The following NXF1 variants were observed in gnomAD, a reference collection of about 807,000 sequenced individuals.
The protein encoded by NXF1 is mRNA export factor TAP.
A neutral mutation model predicts 92.4 loss-of-function variants in NXF1; 43 were observed. The observed-to-expected ratio is 0.47, with a 90% CI of 0.36 to 0.60. The LOEUF is 0.60. Among genes scored for constraint, NXF1 ranks in the 20% least tolerant of loss-of-function variants. NXF1 has a pLI of 0.00. For synonymous variants in NXF1, 288 were observed against 292.2 expected, an observed-to-expected ratio of 0.99 and a Z score of 0.15; for missense variants, 576 against 793.0, an observed-to-expected ratio of 0.73 and a Z score of 3.29.
At chr11:62,792,836 G>A (rs2084379358) in intron 19 of NXF1, 135 bp from the exon 20 acceptor site, 1 of 700,230 alleles carries the variant, frequency 1.4e-6, no homozygotes, top group East Asian at 2.6e-5. Flanking sequence ...TTATACAAAT[G>A]AGACATTAGT....
intron 3 of NXF1, among the ~76,000 whole-genome samples, chr11:62,803,213 G>A (rs2084498889): frequency 6.6e-6 from 1 of 152,094 alleles, no homozygotes; most frequent in South Asian, 2.1e-4. Context: ...CAGCTACTCG[G>A]GAGACTGAGG....
chr11:62,795,028 A>C (rs755424849), intron 17 of NXF1, 21 bp from the exon 18 acceptor site: 68 of 1,611,220 alleles, frequency 4.2e-5, no homozygotes, highest in South Asian at 3.4e-4. Flanking sequence ...AACAGCAACA[A>C]CACCTTAGGG....
chr11:62,796,817 C>T lies in NXF1; in HGVS notation c.1179-250G>A, dbSNP rs1289310812. The T allele has an allele frequency of 9.1e-6, 5 of 547,266 alleles. No homozygotes were observed. The African/African-American group carries it at 9.5e-5, about 10-fold the overall frequency. The allele number at this position is 547,266 out of a possible 1,614,324, so 33.9% of individuals were successfully genotyped here. A position where few individuals can be genotyped will look rare whatever the true frequency, so the allele number is the denominator to read the frequency against. On this transcript the variant is annotated intron_variant, in intron 13 of 20. Transcript: ENST00000294172. ...GGTGCGGTGGCTCACGCCTCTAATC[C>T]CAACACTTTGGGAGGAAGAGGCAGG...
chr11:62,792,243 G>C lies in NXF1; in HGVS notation c.*233C>G. 1 of 682,200 alleles carries C rather than the reference G, an allele frequency of 1.5e-6. No individual in the cohort carries two copies. Among genetic ancestry groups the C allele is most frequent in the Non-Finnish European group, 2.5e-6 (1 of 393,016 alleles). 42.3% of individuals were successfully genotyped at this position (682,200 alleles called of 1,614,324 possible). A position where few individuals can be genotyped will look rare whatever the true frequency, so the allele number is the denominator to read the frequency against. ...GTACACAAAGCACCTAAGTCCTTCG[G>C]GTAGTTTAGTGTCAGTTCTACAAAG... On this transcript the variant is annotated 3_prime_UTR_variant, in exon 21 of 21. Coordinates refer to ENST00000294172, the MANE Select transcript of NXF1 (RefSeq NM_006362.5).
intron 5 of NXF1, 38 bp from the exon 6 acceptor site, chr11:62,801,857 G>A (rs1202738992): frequency 6.2e-7 from 1 of 1,606,548 alleles, no homozygotes; most frequent in Non-Finnish European, 8.5e-7. Context: ...AAACTCTAGG[G>A]AAGCCTAAGC....
chr11:62,794,653 C>G, intron 18 of NXF1: 1 of 587,374 alleles, frequency 1.7e-6, no homozygotes, highest in Non-Finnish European at 3.0e-6. Context: ...GACTTTAGCT[C>G]TTTTAATTCA....
chr11:62,792,935 G>A (rs1006624442), intron 19 of NXF1, among the ~76,000 whole-genome samples: 5 of 152,206 alleles, frequency 3.3e-5, no homozygotes, highest in African/African-American at 1.2e-4. Flanking sequence ...TACAGTGGTA[G>A]GGAAAGATGT....
intron 8 of NXF1, 38 bp downstream of exon 8, chr11:62,801,291 C>A: frequency 6.2e-7 from 1 of 1,610,516 alleles, no homozygotes. Context: ...CTAACACACC[C>A]TGCTTCCTCA....
At chr11:62,797,096 CAAAACA>C (rs532572341) in intron 13 of NXF1, 81 bp downstream of exon 13, 10 of 819,430 alleles carry the variant, frequency 1.2e-5, no homozygotes, top group Admixed American at 2.7e-5. Flanking sequence ...AAACAAAAAA[CAAAACA>C]AAAAGATTGA....
Position 62,795,660 on chromosome 11 carries a change from A to G in NXF1, c.1504+241T>C, listed in dbSNP as rs569090725. 3.9e-5 allele frequency among the ~76,000 whole-genome samples: 6 copies of G among 152,270 alleles called. No homozygotes were observed. The East Asian group carries it at 1.2e-3, about 29-fold the overall frequency. ...TACTTGTCCACAGCCCCGCACAACC[A>G]AAACTAGGATGGAAACTAAGAACTG... On this transcript the variant is annotated intron_variant, in intron 17 of 20. Transcript: ENST00000294172.
In NXF1 at chr11:62,801,199, T is replaced by C. The variant is rs146549860; in HGVS notation, c.801A>G (p.Leu267=). The C allele has an allele frequency of 2.2e-5, 35 of 1,613,964 alleles. No homozygotes were observed. Among genetic ancestry groups the C allele is most frequent in the Non-Finnish European group, 2.6e-5 (31 of 1,179,842 alleles). The stretch of plus-strand genomic sequence containing the variant: ...TGTTGTTGCTCAAGTTCAAGGACAA[T>C]AGCTGTGAGGAGAGAAGAGTTTAGA... ...LRIIEENIPE[L]LSLNLSNNRL... The change falls in exon 9 of 21, where the codon CTA becomes CTG. Residue 267 remains leucine, a splice_region_variant and synonymous_variant. Transcript: ENST00000294172.
chr11:62,799,484 C>G (rs963814273), intron 10 of NXF1: 1 of 985,784 alleles, frequency 1.0e-6, no homozygotes, highest in African/African-American at 1.7e-5. Context: ...TGCCCCACCT[C>G]TGTTGCCCCC....
chr11:62,802,288 G>A, intron 3 of NXF1, 28 bp from the exon 4 acceptor site: 4 of 1,588,868 alleles, frequency 2.5e-6, no homozygotes, highest in Non-Finnish European at 3.5e-6. Flanking sequence ...AGAAAAGAAG[G>A]GAATGATAAG....
chr11:62,795,136 T>C (rs1200088703), intron 17 of NXF1, 129 bp from the exon 18 acceptor site: 3 of 854,582 alleles, frequency 3.5e-6, no homozygotes, highest in Non-Finnish European at 5.6e-6. Context: ...TATATAAGGG[T>C]ATAAGGGAAG....
Position 62,803,774 on chromosome 11 carries a change from G to A in NXF1, c.215+18C>T. On this transcript the variant is annotated intron_variant, in intron 2 of 20. Coordinates refer to ENST00000294172, the MANE Select transcript of NXF1 (RefSeq NM_006362.5). Reference sequence around the variant, plus strand: ...CTCATGAGCCACTAAATTCAAACCAGACCAACTGGTCACTCACTATCGTAC... The same window carrying A: ...CTCATGAGCCACTAAATTCAAACCAAACCAACTGGTCACTCACTATCGTAC... 1.2e-6 allele frequency: 2 copies of A among 1,609,548 alleles called. No homozygotes were observed. The highest frequency in any genetic ancestry group is 1.7e-6 in the Non-Finnish European group (2 of 1,176,988).
Position 62,794,948 on chromosome 11 carries a change from C to G in NXF1, c.1564G>C (p.Ala522Pro). 6.2e-7 allele frequency: 1 copy of G among 1,614,158 alleles called. No homozygotes were observed. The highest frequency in any genetic ancestry group is 8.5e-7 in the Non-Finnish European group (1 of 1,179,980). Residue 522 changes from alanine (A) to proline (P), a missense_variant, in exon 18 of 21, where the codon GCT (alanine) becomes CCT (proline). Coordinates refer to ENST00000294172, the MANE Select transcript of NXF1 (RefSeq NM_006362.5). The stretch of plus-strand genomic sequence containing the variant: ...CAGAATACTTACCCTGAATTGCTAG[C>G]AGGAACAGCAATGAATGTCCGGGTG... ...AFTRTFIAVP[A>P]SNSGLCIVND...
chr11:62,797,612 G>A (rs1001530986), intron 11 of NXF1, among the ~76,000 whole-genome samples: 7 of 152,120 alleles, frequency 4.6e-5, no homozygotes, highest in Non-Finnish European at 1.0e-4. Context: ...AGGCTGAAGT[G>A]GGAGGATCAC....
chr11:62,802,381 C>T, intron 3 of NXF1, 121 bp from the exon 4 acceptor site: 1 of 714,662 alleles, frequency 1.4e-6, no homozygotes, highest in Non-Finnish European at 2.4e-6. Flanking sequence ...AGGACCAGTA[C>T]TAGGTTTTCT....
At chr11:62,804,071 G>T in intron 1 of NXF1, 93 bp from the exon 2 acceptor site, 1 of 1,597,900 alleles carries the variant, frequency 6.3e-7, no homozygotes, top group African/African-American at 1.3e-5. Flanking sequence ...ACTATTGGAA[G>T]AGATACATAC....
Sources: allele counts gnomAD v4.1 joint callset (sites outside exome capture counted in the v4.1 genomes callset), GRCh38; gene constraint gnomAD v4.1.1; transcripts MANE v1.5; gene names NCBI Gene and HGNC (gene_info 2026-07-23, HGNC 2026-07-21).